Variants in CEP162 observed in about 807,000 individuals in gnomAD.
CEP162 encodes centrosomal protein of 162 kDa.
Under a neutral mutation model 169.2 loss-of-function variants are expected in CEP162, and 141 were observed. That is an observed-to-expected ratio of 0.83 (90% CI 0.73 to 0.96). The LOEUF (loss-of-function observed/expected upper bound fraction) is 0.96. Among genes scored for constraint, CEP162 ranks in the 40% least tolerant of loss-of-function variants. CEP162 has a pLI of 0.00. For missense variants in CEP162, 1,600 were observed against 1,587.2 expected, an observed-to-expected ratio of 1.01 and a Z score of -0.14; for synonymous variants, 540 against 526.4, an observed-to-expected ratio of 1.03 and a Z score of -0.35.
intron 22 of CEP162, among the ~76,000 whole-genome samples, chr6:84,154,330 A>ATCTGTCTG (rs561247395): frequency 3.7e-4 from 55 of 149,338 alleles, no homozygotes; most frequent in Middle Eastern, 3.2e-3. Flanking sequence ...CTATCTATCT[A>ATCTGTCTG]TCTGTCTGTC....
At chr6:84,187,108 T>C (rs2099537502) in intron 11 of CEP162, among the ~76,000 whole-genome samples, 1 of 152,128 alleles carries the variant, frequency 6.6e-6, no homozygotes, top group Non-Finnish European at 1.5e-5. Flanking sequence ...AAAGCATATA[T>C]TTAATCACAG....
intron 1 of CEP162, 41 bp downstream of exon 1, chr6:84,227,539 C>A (rs1008287965): frequency 1.3e-5 from 2 of 152,302 alleles, no homozygotes. Flanking sequence ...TCGACCAGGG[C>A]GATTTGGGTG....
Position 84,204,043 on chromosome 6 carries a change from T to C in CEP162, c.625A>G (p.Lys209Glu), listed in dbSNP as rs1329494329. 2 of 1,611,224 alleles carry C rather than the reference T, an allele frequency of 1.2e-6. No homozygotes were observed. Among genetic ancestry groups the C allele is most frequent in the Admixed American group, 1.7e-5 (1 of 59,670 alleles). Residue 209 changes from lysine to glutamate, a missense_variant, in exon 7 of 27, where the codon AAA becomes GAA. Physicochemically the swap from Lys to Glu is moderately conservative, Grantham distance 56. Transcript: ENST00000403245. ...DEYVGAPLTT[K>E]DEEMPSKENS... is the part of the protein sequence containing the mutation. ...TCTTTGGAAGGCATCTCTTCATCTTTAGTAGTCAACGGTGCACCAACATAC... is the reference window on the plus strand; with the variant it reads ...TCTTTGGAAGGCATCTCTTCATCTTCAGTAGTCAACGGTGCACCAACATAC...
At position 84,226,356 on chromosome 6, in the gene CEP162, A is replaced by C. The variant is rs749447084; in HGVS notation, c.38T>G (p.Phe13Cys). The stretch of plus-strand genomic sequence containing the variant: ...ACTTACCTCTTTCATAAACTGTTCA[A>C]ACTCTTCATCTAGCTCTTCTTGGGA... Reference protein sequence around the residue: ...NCSQEELDEEFEQFMKELSDD... With the variant: ...NCSQEELDEECEQFMKELSDD... The change falls in exon 2 of 27, where the codon TTT becomes TGT. Residue 13 changes from phenylalanine to cysteine, a missense_variant. Physicochemically the swap from Phe to Cys is radical, Grantham distance 205. Coordinates refer to ENST00000403245, the MANE Select transcript of CEP162 (RefSeq NM_014895.4). 7.0e-6 allele frequency: 11 copies of C among 1,564,556 alleles called. No individual in the cohort carries two copies. The East Asian group carries it at 2.5e-4, about 36-fold the overall frequency.
chr6:84,191,895 T>C (rs189534356), intron 11 of CEP162, among the ~76,000 whole-genome samples: 1 of 152,338 alleles, frequency 6.6e-6, no homozygotes, highest in East Asian at 1.9e-4. Context: ...TAGCTAGATG[T>C]GCTGGTTCCT....
At position 84,149,648 on chromosome 6, in the gene CEP162, C is replaced by G; in HGVS notation, c.3685G>C (p.Glu1229Gln). The G allele has an allele frequency of 6.3e-7, 1 of 1,598,318 alleles. No individual in the cohort carries two copies. Among genetic ancestry groups the G allele is most frequent in the Non-Finnish European group, 8.5e-7 (1 of 1,171,218 alleles). Residue 1229 changes from glutamate (E) to glutamine (Q), a missense_variant, in exon 24 of 27, where the codon GAA (glutamate) becomes CAA (glutamine). Coordinates refer to ENST00000403245, the MANE Select transcript of CEP162 (RefSeq NM_014895.4). ...IASLKASHQR[E>Q]IEKLLCQNAV... is the part of the protein sequence containing the mutation. ...TTTTGGCAAAGGAGTTTCTCTATTTCTCTCTGATGAGATGCTTTGAGGGAT... is the reference window on the plus strand; with the variant it reads ...TTTTGGCAAAGGAGTTTCTCTATTTGTCTCTGATGAGATGCTTTGAGGGAT...
chr6:84,200,858 C>T lies in CEP162; in HGVS notation c.766G>A (p.Glu256Lys), dbSNP rs1407256113. ...LDSVAEVNLD[E>K]QDKITPKPRC... Reference sequence around the variant, plus strand: ...GGCTTAGGTGTTATTTTATCTTGTTCATCAAGATTGACCTCTGCAACAGAG... The same window carrying T: ...GGCTTAGGTGTTATTTTATCTTGTTTATCAAGATTGACCTCTGCAACAGAG... Residue 256 changes from glutamate (E) to lysine (K), a missense_variant, in exon 9 of 27, where the codon GAA (glutamate) becomes AAA (lysine). Transcript: ENST00000403245. 2 of 1,611,786 alleles carry T rather than the reference C, an allele frequency of 1.2e-6. No individual in the cohort carries two copies. The highest frequency in any genetic ancestry group is 2.2e-5 in the East Asian group (1 of 44,828).
intron 11 of CEP162, among the ~76,000 whole-genome samples, chr6:84,189,586 G>A (rs889089072): frequency 6.6e-6 from 1 of 152,192 alleles, no homozygotes; most frequent in Non-Finnish European, 1.5e-5. Flanking sequence ...ATTTCTCGCC[G>A]GGCCTTAGCT....
At chr6:84,146,995 T>C (rs973920445) in intron 24 of CEP162, among the ~76,000 whole-genome samples, 6 of 152,148 alleles carry the variant, frequency 3.9e-5, no homozygotes, top group Non-Finnish European at 7.4e-5. Flanking sequence ...CTACTGGGTA[T>C]CTATCCAAAG....
chr6:84,204,417 G>A (rs760170663), intron 6 of CEP162, among the ~76,000 whole-genome samples: 67 of 152,224 alleles, frequency 4.4e-4, no homozygotes, highest in South Asian at 1.7e-3. Context: ...ACTCAGGATT[G>A]AGAAACTCAC....
intron 12 of CEP162, 52 bp downstream of exon 12, chr6:84,186,280 T>A: frequency 9.8e-7 from 1 of 1,019,904 alleles, no homozygotes; most frequent in Non-Finnish European, 1.5e-6. Flanking sequence ...TTATATACTT[T>A]ACATAACTTC....
intron 13 of CEP162, among the ~76,000 whole-genome samples, chr6:84,184,440 T>C (rs908045755): frequency 1.3e-5 from 2 of 152,292 alleles, no homozygotes; most frequent in Non-Finnish European, 2.9e-5. Flanking sequence ...CAGCCACCTC[T>C]CCATGGAAAC....
Position 84,215,796 on chromosome 6 carries a change from G to T in CEP162, c.299C>A (p.Thr100Asn). 6.3e-7 allele frequency: 1 copy of T among 1,590,340 alleles called. No individual in the cohort carries two copies. Among genetic ancestry groups the T allele is most frequent in the Non-Finnish European group, 8.6e-7 (1 of 1,166,210 alleles). Reference sequence around the variant, plus strand: ...CTTACCATTTGTTTCTAAGCTATCAGTACTTAAGAGAGAGGTTCCACTGCT... The same window carrying T: ...CTTACCATTTGTTTCTAAGCTATCATTACTTAAGAGAGAGGTTCCACTGCT... ...LKSSGTSLLS[T>N]DSLETNELVV... Residue 100 changes from threonine (T) to asparagine (N), a missense_variant, in exon 4 of 27, where the codon ACT becomes AAT. Thr to Asn is a moderately conservative substitution (Grantham distance 65). Transcript: ENST00000403245.
At chr6:84,173,927 C>T (rs377427114) in intron 16 of CEP162, 121 bp downstream of exon 16, 43 of 704,428 alleles carry the variant, frequency 6.1e-5, no homozygotes, top group Middle Eastern at 4.3e-4. Context: ...TCAGGTGATC[C>T]GCCCACCTCA....
At chr6:84,213,095 C>G (rs79050633) in intron 5 of CEP162, 71 bp from the exon 6 acceptor site, 14,791 of 931,790 alleles carry the variant, frequency 0.016, 148 homozygotes, top group Non-Finnish European at 0.018. Flanking sequence ...TTTCTGTATA[C>G]CGTTTTAAAA....
intron 2 of CEP162, 67 bp downstream of exon 2, chr6:84,226,270 G>T: frequency 9.6e-7 from 1 of 1,037,218 alleles, no homozygotes; most frequent in South Asian, 1.4e-5. Flanking sequence ...TCTTCGAGAT[G>T]ACAGAATTGA....
intron 9 of CEP162, among the ~76,000 whole-genome samples, chr6:84,196,599 T>G (rs1468597946): frequency 1.3e-5 from 2 of 152,144 alleles, no homozygotes; most frequent in African/African-American, 4.8e-5. Context: ...AGGAAAATAA[T>G]GAATCACGGA....
At chr6:84,164,462 A>G (rs1458940442) in intron 18 of CEP162, among the ~76,000 whole-genome samples, 1 of 152,244 alleles carries the variant, frequency 6.6e-6, no homozygotes, top group Non-Finnish European at 1.5e-5. Context: ...ATGCCCAATG[A>G]TAGACTGGAT....
chr6:84,185,456 CAACA>C lies in CEP162; in HGVS notation c.1402-12_1402-9del. ...AAGTTGAGATCTGTAAGTCTGTACA[CAACA>C]AACAAAAGCTCTTTAGTACCTAAAT... On this transcript the variant is annotated splice_polypyrimidine_tract_variant and intron_variant, in intron 12 of 26. Coordinates refer to ENST00000403245, the MANE Select transcript of CEP162 (RefSeq NM_014895.4). 1.2e-6 allele frequency: 2 copies of C among 1,600,918 alleles called. No individual in the cohort carries two copies. The highest frequency in any genetic ancestry group is 1.3e-5 in the African/African-American group (1 of 74,402).
Sources: allele counts gnomAD v4.1 joint callset (sites outside exome capture counted in the v4.1 genomes callset), GRCh38; gene constraint gnomAD v4.1.1; transcripts MANE v1.5; gene names NCBI Gene and HGNC (gene_info 2026-07-23, HGNC 2026-07-21).